ARMH3: variants seen among roughly 807,000 people sequenced by gnomAD.
ARMH3 encodes armadillo like helical domain containing 3, also known as armadillo-like helical domain-containing protein 3.
ARMH3 carries 60 observed loss-of-function variants against 99.1 expected under a neutral mutation model. That is an observed-to-expected ratio of 0.61 (90% CI 0.49 to 0.75). The LOEUF (loss-of-function observed/expected upper bound fraction) is 0.75. ARMH3 is among the 30% of genes least tolerant of loss of function. ARMH3 has a pLI of 0.00. For missense variants in ARMH3, 679 were observed against 843.1 expected (o/e 0.81, Z 2.41); for synonymous variants, 285 against 292.8 (o/e 0.97, Z 0.27).
chr10:101,865,852 C>T (rs1326028866), intron 24 of ARMH3, among the ~76,000 whole-genome samples: 2 of 152,092 alleles, frequency 1.3e-5, no homozygotes, highest in African/African-American at 2.4e-5. Flanking sequence ...TGACTATCCA[C>T]TTAAAATGCC....
At chr10:101,951,441 C>T (rs1461269854) in intron 22 of ARMH3, among the ~76,000 whole-genome samples, 7 of 152,106 alleles carry the variant, frequency 4.6e-5, no homozygotes, top group African/African-American at 7.2e-5. Flanking sequence ...GGTATGGTGA[C>T]GCACACCTGT....
intron 23 of ARMH3, among the ~76,000 whole-genome samples, chr10:101,909,304 G>C (rs1842773654): frequency 6.6e-6 from 1 of 151,616 alleles, no homozygotes; most frequent in African/African-American, 2.4e-5. Context: ...TTATTCAGAA[G>C]GCTGATGCAA....
intron 8 of ARMH3, among the ~76,000 whole-genome samples, chr10:102,015,147 T>A (rs2136127011): frequency 6.6e-6 from 1 of 152,300 alleles, no homozygotes; most frequent in South Asian, 2.1e-4. Flanking sequence ...CATTTGTTAC[T>A]TGATCTGACA....
At chr10:101,908,292 G>A (rs1842718735) in intron 23 of ARMH3, among the ~76,000 whole-genome samples, 1 of 152,174 alleles carries the variant, frequency 6.6e-6, no homozygotes, top group Non-Finnish European at 1.5e-5. Context: ...TCTAGTTGAT[G>A]TCAATGGATT....
intron 23 of ARMH3, among the ~76,000 whole-genome samples, chr10:101,893,927 T>C (rs1343458257): frequency 1.3e-5 from 2 of 152,152 alleles, no homozygotes; most frequent in Non-Finnish European, 2.9e-5. Context: ...ATCCTGAGGG[T>C]ATTTACCACT....
chr10:101,857,886 T>A (rs552844976), intron 24 of ARMH3, among the ~76,000 whole-genome samples: 22 of 152,340 alleles, frequency 1.4e-4, no homozygotes, highest in African/African-American at 5.3e-4. Context: ...AAACCAGGCC[T>A]TTCCCAGAAC....
At chr10:101,972,546 C>CGTAT (rs1440443419) in intron 20 of ARMH3, among the ~76,000 whole-genome samples, 1 of 152,160 alleles carries the variant, frequency 6.6e-6, no homozygotes, top group Non-Finnish European at 1.5e-5. Flanking sequence ...AGCAATCCAA[C>CGTAT]ATACGAGGGG....
intron 24 of ARMH3, among the ~76,000 whole-genome samples, chr10:101,858,235 A>G (rs1395251897): frequency 6.6e-6 from 1 of 152,226 alleles, no homozygotes; most frequent in African/African-American, 2.4e-5. Flanking sequence ...AGTTCCAATT[A>G]GTAGCTAGTG....
At chr10:102,053,104 T>C (rs1324349834) in intron 1 of ARMH3, among the ~76,000 whole-genome samples, 1 of 151,494 alleles carries the variant, frequency 6.6e-6, no homozygotes, top group Non-Finnish European at 1.5e-5. Flanking sequence ...TACACTTTCT[T>C]CAGACTCTCA....
chr10:101,976,673 TTTAAA>T (rs1846027962), intron 19 of ARMH3, among the ~76,000 whole-genome samples: 1 of 152,116 alleles, frequency 6.6e-6, no homozygotes, highest in Admixed American at 6.5e-5. Flanking sequence ...GTGGTTTTTA[TTTAAA>T]TTAAATTTTT....
In ARMH3 at chr10:102,021,927, C is replaced by T. The variant is rs758929300; in HGVS notation, c.669+1550G>A. ...CTGGTCTCAAATTCCTGGCCTCAAG[C>T]GATCCTCCCACCTCAGCCTCCCAAA... On this transcript the variant is annotated intron_variant, in intron 8 of 25. Transcript: ENST00000370033. Among the ~76,000 whole-genome samples the T allele has an allele frequency of 3.9e-5, 6 of 152,058 alleles. No individual in the cohort carries two copies. In the South Asian group the frequency reaches 8.3e-4, roughly 21 times the overall value.
At chr10:101,951,297 C>G (rs1490615217) in intron 22 of ARMH3, among the ~76,000 whole-genome samples, 6 of 152,180 alleles carry the variant, frequency 3.9e-5, no homozygotes, top group African/African-American at 1.4e-4. Context: ...TGGCTGGGTG[C>G]AGTGGCTCAT....
chr10:101,951,968 A>G (rs1156229144), intron 22 of ARMH3, among the ~76,000 whole-genome samples: 1 of 152,218 alleles, frequency 6.6e-6, no homozygotes, highest in Non-Finnish European at 1.5e-5. Context: ...TAAGAACAGC[A>G]GCAGCAGCAG....
intron 22 of ARMH3, among the ~76,000 whole-genome samples, chr10:101,944,257 T>TATATATATATATATAC (rs1844380504): frequency 1.6e-5 from 1 of 62,166 alleles, no homozygotes; most frequent in African/African-American, 8.1e-5. Context: ...TATATATATA[T>TATATATATATATATAC]ATATATATAT....
intron 13 of ARMH3, among the ~76,000 whole-genome samples, chr10:102,008,363 C>T (rs1186279053): frequency 6.6e-6 from 1 of 152,112 alleles, no homozygotes; most frequent in Non-Finnish European, 1.5e-5. Flanking sequence ...AACAGTCTGG[C>T]TTTAAGATAA....
At chr10:101,997,850 C>T (rs1847132357) in intron 15 of ARMH3, among the ~76,000 whole-genome samples, 1 of 151,972 alleles carries the variant, frequency 6.6e-6, no homozygotes, top group Non-Finnish European at 1.5e-5. Flanking sequence ...AGATAATATC[C>T]TCATGGCGGT....
chr10:102,007,488 C>G (rs575527439), intron 13 of ARMH3, among the ~76,000 whole-genome samples: 102 of 151,256 alleles, frequency 6.7e-4, no homozygotes, highest in Non-Finnish European at 1.3e-3. Flanking sequence ...AATTGACTAG[C>G]AGATGTAGAT....
At chr10:102,016,261 CA>C (rs1301144190) in intron 8 of ARMH3, among the ~76,000 whole-genome samples, 2 of 152,192 alleles carry the variant, frequency 1.3e-5, no homozygotes, top group Admixed American at 6.5e-5. Flanking sequence ...TGAAATACTC[CA>C]ATGAGCACTT....
At chr10:101,895,349 G>C (rs1339159353) in intron 23 of ARMH3, among the ~76,000 whole-genome samples, 1 of 145,590 alleles carries the variant, frequency 6.9e-6, no homozygotes, top group African/African-American at 2.5e-5. Flanking sequence ...GTGCAATCTT[G>C]GCTCACTGCA....
Sources: gnomAD v4.1 joint callset for allele counts (sites outside exome capture counted in the v4.1 genomes callset) on GRCh38, gnomAD v4.1.1 for gene constraint, MANE v1.5 for transcripts, NCBI Gene and HGNC (gene_info 2026-07-23, HGNC 2026-07-21) for gene names.